The following KCNJ16 variants were observed in gnomAD, a reference collection of about 807,000 sequenced individuals.
KCNJ16 encodes inward rectifier potassium channel 16.
In KCNJ16, 15 loss-of-function variants were observed where a neutral mutation model predicts 18.5. The ratio of observed to expected loss-of-function variants is 0.81; its 90% CI spans 0.54 to 1.25. The LOEUF is 1.25. Ranked by LOEUF, KCNJ16 falls within the 50% of genes most tolerant of loss-of-function variation. KCNJ16 has a pLI of 0.00. For missense variants in KCNJ16, 523 were observed against 525.7 expected (o/e 0.99, Z 0.05); for synonymous variants, 174 against 186.5 (o/e 0.93, Z 0.55).
chr17:70,102,902 A>G (rs2366483), intron 2 of KCNJ16, among the ~76,000 whole-genome samples: 126,804 of 151,880 alleles, frequency 0.83, 53,082 homozygotes, highest in East Asian at 0.96. Flanking sequence ...CTGATTGTTA[A>G]TATCTAACAC....
chr17:70,120,949 T>C (rs1280694891), intron 2 of KCNJ16, among the ~76,000 whole-genome samples: 1 of 152,162 alleles, frequency 6.6e-6, no homozygotes, highest in Non-Finnish European at 1.5e-5. Context: ...AAAAGCTTAT[T>C]ACCCCCTCTT....
chr17:70,130,917 T>G lies in KCNJ16; in HGVS notation c.-152T>G, dbSNP rs952600002. The G allele has an allele frequency of 1.1e-5, 16 of 1,522,176 alleles. No individual in the cohort carries two copies. The highest frequency in any genetic ancestry group is 1.4e-5 in the Non-Finnish European group (16 of 1,134,404). 94.3% of individuals were successfully genotyped at this position (1,522,176 alleles called of 1,614,324 possible). On this transcript the variant is annotated 5_prime_UTR_variant, in exon 3 of 4. In the 5' UTR this introduces an upstream ATG that the reference lacks. Transcript: ENST00000392671. ...TGATTTTGATGTTGCAGTTTTAAATTTCACTTTGACTTGAGCTGGGAAATC... is the reference window on the plus strand; with the variant it reads ...TGATTTTGATGTTGCAGTTTTAAATGTCACTTTGACTTGAGCTGGGAAATC...
chr17:70,113,021 C>T (rs1374370429), intron 2 of KCNJ16, among the ~76,000 whole-genome samples: 1 of 152,162 alleles, frequency 6.6e-6, no homozygotes. Flanking sequence ...TCCTTGGTTA[C>T]ATCTTTCTCA....
intron 1 of KCNJ16, among the ~76,000 whole-genome samples, chr17:70,087,065 C>T (rs1198805113): frequency 5.0e-5 from 7 of 140,948 alleles, no homozygotes; most frequent in East Asian, 2.1e-4. Flanking sequence ...CACCTAGCTA[C>T]TTTTTTTTTT....
intron 2 of KCNJ16, among the ~76,000 whole-genome samples, chr17:70,123,445 A>T (rs937815533): frequency 8.5e-5 from 13 of 152,132 alleles, no homozygotes; most frequent in African/African-American, 3.1e-4. Flanking sequence ...TTCCTCTTTC[A>T]GATTATAGCT....
intron 2 of KCNJ16, among the ~76,000 whole-genome samples, chr17:70,108,589 G>T (rs184891103): frequency 6.6e-6 from 1 of 152,132 alleles, no homozygotes; most frequent in Non-Finnish European, 1.5e-5. Flanking sequence ...GGAGGGTCCT[G>T]TTCCACTCCT....
Position 70,124,898 on chromosome 17 carries a change from T to TTGTGTGTG in KCNJ16, c.-190-5975_-190-5968dup, listed in dbSNP as rs71149824. Among the ~76,000 whole-genome samples, 140 of 151,212 alleles carry TTGTGTGTG rather than the reference T, an allele frequency of 9.3e-4. 1 individual carries two copies. Among genetic ancestry groups the TTGTGTGTG allele is most frequent in the Middle Eastern group, 3.4e-3 (1 of 290 alleles). On this transcript the variant is annotated intron_variant, in intron 2 of 3. Transcript: ENST00000392671. ...CTGAGTTGAATAGATGGGTGTGTGT[T>TTGTGTGTG]TGTGTGTGTGTGTTCAGATATGGGT...
At chr17:70,109,409 T>C (rs896277824) in intron 2 of KCNJ16, among the ~76,000 whole-genome samples, 5 of 152,202 alleles carry the variant, frequency 3.3e-5, no homozygotes, top group African/African-American at 4.8e-5. Context: ...CTCTCTCAGT[T>C]TGGAGGTCCT....
intron 2 of KCNJ16, among the ~76,000 whole-genome samples, chr17:70,123,344 A>C (rs182730073): frequency 1.5e-3 from 225 of 152,354 alleles, no homozygotes; most frequent in Admixed American, 2.5e-3. Flanking sequence ...AGAGGCAAGA[A>C]ACCTTTGCAT....
chr17:70,101,425 A>G, intron 2 of KCNJ16: 1 of 152,184 alleles, frequency 6.6e-6, no homozygotes, highest in East Asian at 1.9e-4. Context: ...AATTATATCT[A>G]TCTGTCTCTA....
At chr17:70,099,753 T>C (rs745491671) in intron 1 of KCNJ16, among the ~76,000 whole-genome samples, 2 of 151,822 alleles carry the variant, frequency 1.3e-5, no homozygotes, top group African/African-American at 2.4e-5. Flanking sequence ...AAGAAAAAAA[T>C]AATTCGCTCA....
chr17:70,094,949 G>A (rs2072287160), intron 1 of KCNJ16, among the ~76,000 whole-genome samples: 3 of 152,084 alleles, frequency 2.0e-5, no homozygotes, highest in Admixed American at 2.0e-4. Context: ...GTTTTATTAA[G>A]TTCAGACAGA....
intron 1 of KCNJ16, among the ~76,000 whole-genome samples, chr17:70,099,473 G>A (rs1245741870): frequency 1.3e-5 from 2 of 151,910 alleles, no homozygotes; most frequent in Non-Finnish European, 2.9e-5. Flanking sequence ...CTTCCTCATG[G>A]GTAAGGTCTA....
At chr17:70,125,593 CG>C (rs1257841893) in intron 2 of KCNJ16, among the ~76,000 whole-genome samples, 1 of 152,070 alleles carries the variant, frequency 6.6e-6, no homozygotes, top group Non-Finnish European at 1.5e-5. Context: ...AGAAAGAATT[CG>C]GGGCCAGTCC....
intron 1 of KCNJ16, among the ~76,000 whole-genome samples, chr17:70,093,523 T>A (rs547263769): frequency 9.2e-5 from 14 of 152,292 alleles, no homozygotes; most frequent in Non-Finnish European, 1.5e-4. Context: ...AAAGACCCTA[T>A]TTCCAAATCA....
chr17:70,131,058 A>G, intron 3 of KCNJ16, 83 bp downstream of exon 3: 1 of 1,299,938 alleles, frequency 7.7e-7, no homozygotes, highest in Non-Finnish European at 1.1e-6. Context: ...ATGTCCGTGA[A>G]AGTATCAGGA....
intron 2 of KCNJ16, among the ~76,000 whole-genome samples, chr17:70,104,101 T>C (rs966307702): frequency 6.6e-6 from 1 of 151,982 alleles, no homozygotes; most frequent in African/African-American, 2.4e-5. Context: ...TAGCTGGGAC[T>C]ACAGGCACAT....
chr17:70,110,480 G>GCACACACACACACA (rs1337834954), intron 2 of KCNJ16, among the ~76,000 whole-genome samples: 2,070 of 151,094 alleles, frequency 0.014, 31 homozygotes, highest in African/African-American at 0.038. Flanking sequence ...CACTTCGTGC[G>GCACACACACACACA]CGCACACACA....
intron 2 of KCNJ16, among the ~76,000 whole-genome samples, chr17:70,112,083 A>C (rs2073209568): frequency 6.6e-6 from 1 of 152,182 alleles, no homozygotes; most frequent in African/African-American, 2.4e-5. Flanking sequence ...CCTTTGCTTG[A>C]TGGCACAGCA....
Sources: allele counts gnomAD v4.1 joint callset (sites outside exome capture counted in the v4.1 genomes callset), GRCh38; gene constraint gnomAD v4.1.1; transcripts MANE v1.5; gene names NCBI Gene and HGNC (gene_info 2026-07-23, HGNC 2026-07-21).